Variants in SRPRA observed in about 807,000 individuals in gnomAD.
The protein encoded by SRPRA is signal recognition particle receptor subunit alpha.
Under a neutral mutation model 61.1 loss-of-function variants are expected in SRPRA, and 30 were observed. That is an observed-to-expected ratio of 0.49 (90% CI 0.37 to 0.67). The LOEUF (loss-of-function observed/expected upper bound fraction) is 0.67. Among genes scored for constraint, SRPRA ranks in the 30% least tolerant of loss-of-function variants. The pLI is 0.00. For synonymous variants in SRPRA, 324 were observed against 299.7 expected (o/e 1.08, Z -0.84); for missense variants, 759 against 828.4 (o/e 0.92, Z 1.03).
At chr11:126,261,139 CAT>C (rs1245772529), downstream of SRPRA, 8 of 361,682 alleles carry the variant, frequency 2.2e-5, no homozygotes, top group South Asian at 1.2e-4. Context: ...ACAGCAGACA[CAT>C]GTTGCCTGTA....
the SRPRA span, chr11:126,254,266 G>C: frequency 6.2e-7 from 1 of 1,603,406 alleles, no homozygotes; most frequent in African/African-American, 1.3e-5. Flanking sequence ...CAGGTGCTCA[G>C]CCCTGCCAAG....
Position 126,266,093 on chromosome 11 carries a change from G to A in SRPRA, c.933-12C>T, listed in dbSNP as rs746408297. ...TTCCCTTGGTCGCACTGCAGGGACAGGAGATTACACATACACATAAAACCA... is the reference window on the plus strand; with the variant it reads ...TTCCCTTGGTCGCACTGCAGGGACAAGAGATTACACATACACATAAAACCA... On this transcript the variant is annotated splice_polypyrimidine_tract_variant and intron_variant, in intron 7 of 13. Transcript: ENST00000332118. 12 of 1,613,782 alleles carry A rather than the reference G, an allele frequency of 7.4e-6. No individual in the cohort carries two copies. In the East Asian group the frequency reaches 1.3e-4, roughly 18 times the overall value.
the SRPRA span, among the ~76,000 whole-genome samples, chr11:126,244,014 G>A: frequency 2.6e-5 from 4 of 151,134 alleles, no homozygotes; most frequent in Non-Finnish European, 5.9e-5. The surrounding 1 kb of genome is among the most constrained non-coding windows in gnomAD (Gnocchi z 4.5). Flanking sequence ...TTAGCAAAAT[G>A]CAACACTCTT....
Position 126,263,387 on chromosome 11 carries a change from A to G in SRPRA, c.*529T>C, listed in dbSNP as rs1451721175. ...TGGGGTAAACAATGGAGTAGGAGTC[A>G]TCATCAGAATTAGAATTAGCAGCAA... On this transcript the variant is annotated 3_prime_UTR_variant, in exon 14 of 14. Transcript: ENST00000332118. The G allele has an allele frequency of 6.5e-6, 1 of 153,712 alleles. No homozygotes were observed. The highest frequency in any genetic ancestry group is 2.4e-5 in the African/African-American group (1 of 41,468). The allele number at this position is 153,712 out of a possible 1,614,324, so 9.5% of individuals were successfully genotyped here. A position where few individuals can be genotyped will look rare whatever the true frequency, so the allele number is the denominator to read the frequency against.
In SRPRA at chr11:126,264,763, G is replaced by C. The variant is rs1472693384; in HGVS notation, c.1525+196C>G. On this transcript the variant is annotated intron_variant, in intron 11 of 13. Coordinates refer to ENST00000332118, the MANE Select transcript of SRPRA (RefSeq NM_003139.4). This position sits in a 1 kb window ranked among gnomAD's most constrained non-coding sequence, Gnocchi z 5.0. ...AAGGTGACCAAATTCAGGTTTCTCT[G>C]GTTAAGGTATATTAGCTTTGCCTGC... The C allele has an allele frequency of 4.0e-6, 3 of 759,140 alleles. No individual in the cohort carries two copies. Among genetic ancestry groups the C allele is most frequent in the Admixed American group, 2.9e-5 (1 of 34,246 alleles). 47.0% of individuals were successfully genotyped at this position (759,140 alleles called of 1,614,324 possible). A position where few individuals can be genotyped will look rare whatever the true frequency, so the allele number is the denominator to read the frequency against.
At chr11:126,246,650 C>T in the SRPRA span, among the ~76,000 whole-genome samples, 1 of 152,052 alleles carries the variant, frequency 6.6e-6, no homozygotes. Context: ...CTGTGTTGCC[C>T]AGGCTGGTGT....
chr11:126,262,207 T>C, downstream of SRPRA: 1 of 1,518,512 alleles, frequency 6.6e-7, no homozygotes, highest in South Asian at 1.1e-5. Context: ...ACAAGTAAAC[T>C]TACAAGAACC....
At chr11:126,248,358 C>CTTT in the SRPRA span, among the ~76,000 whole-genome samples, 1,193 of 36,940 alleles carry the variant, frequency 0.032, 533 homozygotes, top group East Asian at 0.091. Context: ...TAGTAGTTGA[C>CTTT]TTTTTTTTTT....
At chr11:126,261,398 T>C (rs1272401413), downstream of SRPRA, 4 of 1,604,886 alleles carry the variant, frequency 2.5e-6, no homozygotes, top group Admixed American at 1.7e-5. Flanking sequence ...TTCAGTCTAA[T>C]GTCTGATGCT....
chr11:126,267,043 C>A lies in SRPRA; in HGVS notation c.527-121G>T. 1 of 1,526,258 alleles carries A rather than the reference C, an allele frequency of 6.6e-7. No individual in the cohort carries two copies. The highest frequency in any genetic ancestry group is 1.3e-5 in the South Asian group (1 of 79,094). The allele number at this position is 1,526,258 out of a possible 1,614,324, so 94.5% of individuals were successfully genotyped here. A position where few individuals can be genotyped will look rare whatever the true frequency, so the allele number is the denominator to read the frequency against. ...ACCAAACATCTTGGAGTTCATAAGG[C>A]CTGGGGATTATAGGATGGTGACCAT... On this transcript the variant is annotated intron_variant, in intron 4 of 13. Transcript: ENST00000332118. The surrounding 1 kb of genome is among the most constrained non-coding windows in gnomAD (Gnocchi z 4.2).
chr11:126,254,211 A>G, the SRPRA span: 2 of 1,431,968 alleles, frequency 1.4e-6, no homozygotes, highest in Non-Finnish European at 1.9e-6. Flanking sequence ...TTTATGTCAG[A>G]AGTCTAGTCC....
the SRPRA span, chr11:126,256,627 G>A: frequency 1.2e-6 from 2 of 1,614,190 alleles, no homozygotes; most frequent in African/African-American, 2.7e-5. The surrounding 1 kb of genome is among the most constrained non-coding windows in gnomAD (Gnocchi z 6.6). Context: ...TGGCTGGACT[G>A]TGGATGACAC....
At chr11:126,241,291 T>C in the SRPRA span, 1 of 381,268 alleles carries the variant, frequency 2.6e-6, no homozygotes, top group African/African-American at 2.0e-5. Context: ...ACTTTATATG[T>C]ACAAATTACC....
chr11:126,238,180 G>A, the SRPRA span, among the ~76,000 whole-genome samples: 4 of 151,986 alleles, frequency 2.6e-5, no homozygotes, highest in African/African-American at 9.7e-5. Context: ...TGGCCAACCT[G>A]GTGAAACCCC....
chr11:126,240,762 C>T, the SRPRA span: 1 of 1,577,600 alleles, frequency 6.3e-7, no homozygotes. Context: ...ATTGGATATT[C>T]CAATCCTCTC....
the SRPRA span, chr11:126,254,252 T>C: frequency 5.0e-6 from 8 of 1,588,848 alleles, no homozygotes; most frequent in Non-Finnish European, 6.9e-6. Context: ...TTGTGACCTT[T>C]AAACAGGTGC....
chr11:126,247,857 C>CAAA, the SRPRA span, among the ~76,000 whole-genome samples: 1 of 125,014 alleles, frequency 8.0e-6, no homozygotes, highest in Admixed American at 8.0e-5. Context: ...GACTCCATCT[C>CAAA]AAAAAAAAAA....
the SRPRA span, among the ~76,000 whole-genome samples, chr11:126,244,170 T>C: frequency 6.6e-6 from 1 of 152,194 alleles, no homozygotes; most frequent in Non-Finnish European, 1.5e-5. The surrounding 1 kb of genome is among the most constrained non-coding windows in gnomAD (Gnocchi z 4.5). Flanking sequence ...TTTTTTCCAC[T>C]AAGATCAGCA....
downstream of SRPRA, chr11:126,262,283 T>C (rs1950716974): frequency 3.9e-6 from 3 of 778,646 alleles, no homozygotes; most frequent in South Asian, 1.6e-5. Flanking sequence ...GGGGGGAATG[T>C]TGCAGCGTAA....
Sources: gnomAD v4.1 joint callset for allele counts (sites outside exome capture counted in the v4.1 genomes callset) on GRCh38, gnomAD v4.1.1 for gene constraint, Gnocchi (gnomAD v3.1) non-coding constraint, MANE v1.5 for transcripts, NCBI Gene and HGNC (gene_info 2026-07-23, HGNC 2026-07-21) for gene names.